The following GRID2 variants were observed in gnomAD, a reference collection of about 807,000 sequenced individuals.
The protein encoded by GRID2 is glutamate receptor ionotropic, delta-2.
In GRID2, 33 loss-of-function variants were observed where a neutral mutation model predicts 114.8. That is an observed-to-expected ratio of 0.29 (90% CI 0.22 to 0.38). GRID2 has a LOEUF of 0.38. Among genes scored for constraint, GRID2 ranks in the 10% least tolerant of loss-of-function variants. The pLI is 1.00. For missense variants in GRID2, 1,184 were observed against 1,257.7 expected, an observed-to-expected ratio of 0.94 and a Z score of 0.89; for synonymous variants, 505 against 449.9, an observed-to-expected ratio of 1.12 and a Z score of -1.55.
chr4:93,222,192 C>T (rs948047107), intron 6 of GRID2, among the ~76,000 whole-genome samples: 1 of 151,942 alleles, frequency 6.6e-6, no homozygotes, highest in Non-Finnish European at 1.5e-5. Context: ...GAGTCCCCAT[C>T]CAGGAGGAAT....
intron 5 of GRID2, among the ~76,000 whole-genome samples, chr4:93,208,834 A>T (rs951771069): frequency 2.0e-5 from 3 of 151,952 alleles, no homozygotes; most frequent in Admixed American, 2.0e-4. Flanking sequence ...GCTTTTCAAT[A>T]AAGTTCTGGT....
rs933883006 is a variant in GRID2, at chr4:92,995,184, T to G, written c.245-89811T>G. Among the ~76,000 whole-genome samples the G allele has an allele frequency of 5.3e-5, 8 of 152,116 alleles. 1 individual carries two copies. The South Asian group carries it at 1.7e-3, about 31-fold the overall frequency. On this transcript the variant is annotated intron_variant, in intron 2 of 15. Transcript: ENST00000282020. ...TTCTTCCTTCTCAGTGTATACAAAT[T>G]TTATGCTTATCAGTAGAGGTGAGAT...
chr4:93,404,381 A>G (rs952329633), intron 9 of GRID2, among the ~76,000 whole-genome samples: 12 of 152,118 alleles, frequency 7.9e-5, no homozygotes, highest in African/African-American at 2.9e-4. Flanking sequence ...GGTGAATTGT[A>G]TATTATGTAA....
chr4:93,483,900 T>G (rs1726112385), intron 11 of GRID2, among the ~76,000 whole-genome samples: 1 of 151,880 alleles, frequency 6.6e-6, no homozygotes, highest in Admixed American at 6.6e-5. Flanking sequence ...ATCAGCCTAA[T>G]TTTTGCAATA....
At chr4:92,315,988 AAAAG>A (rs1380148874) in intron 1 of GRID2, among the ~76,000 whole-genome samples, 2 of 143,262 alleles carry the variant, frequency 1.4e-5, no homozygotes, top group Non-Finnish European at 3.0e-5. Flanking sequence ...AACAAAAACA[AAAAG>A]CAAAAAAAAA....
chr4:92,586,375 C>T (rs922050879), intron 1 of GRID2, among the ~76,000 whole-genome samples: 6 of 143,374 alleles, frequency 4.2e-5, no homozygotes, highest in African/African-American at 8.9e-5. Context: ...CACACACACA[C>T]ACACACACAC....
At chr4:92,558,324 A>G (rs2149179556) in intron 1 of GRID2, among the ~76,000 whole-genome samples, 1 of 152,236 alleles carries the variant, frequency 6.6e-6, no homozygotes, top group African/African-American at 2.4e-5. Context: ...TGAAAATGTC[A>G]TTCTCCTAAT....
chr4:93,232,319 A>C (rs1746245527), intron 7 of GRID2, among the ~76,000 whole-genome samples: 1 of 152,122 alleles, frequency 6.6e-6, no homozygotes, highest in South Asian at 2.1e-4. Context: ...AGTGAACTAA[A>C]ATGTAATAGA....
At chr4:93,332,293 T>A (rs371261239) in intron 8 of GRID2, among the ~76,000 whole-genome samples, 2,869 of 114,460 alleles carry the variant, frequency 0.025, 54 homozygotes, top group African/African-American at 0.074. Context: ...TGTGTGTGTG[T>A]GTGTGTGAGA....
chr4:92,941,528 T>C (rs1178919587), intron 2 of GRID2, among the ~76,000 whole-genome samples: 1 of 152,208 alleles, frequency 6.6e-6, no homozygotes, highest in African/African-American at 2.4e-5. Context: ...AGCTCCTGGA[T>C]TCATTGATTT....
At chr4:93,096,014 G>A (rs761252561) in intron 3 of GRID2, among the ~76,000 whole-genome samples, 82 of 151,884 alleles carry the variant, frequency 5.4e-4, no homozygotes, top group Non-Finnish European at 9.9e-4. Flanking sequence ...ATTGGCATAA[G>A]GATTGACAAA....
intron 4 of GRID2, among the ~76,000 whole-genome samples, chr4:93,133,961 A>C (rs1237937152): frequency 6.6e-6 from 1 of 152,200 alleles, no homozygotes; most frequent in Non-Finnish European, 1.5e-5. Flanking sequence ...ATAGCAACTG[A>C]AAAAGAAGAA....
At chr4:93,531,648 A>G (rs527551668) in intron 13 of GRID2, among the ~76,000 whole-genome samples, 1 of 152,268 alleles carries the variant, frequency 6.6e-6, no homozygotes, top group South Asian at 2.1e-4. Context: ...TAGATAAACA[A>G]AAACAAGTAT....
At chr4:93,534,469 T>A (rs1265755952) in intron 13 of GRID2, among the ~76,000 whole-genome samples, 1 of 152,108 alleles carries the variant, frequency 6.6e-6, no homozygotes. Flanking sequence ...TACCATTTTC[T>A]TAATTAACTG....
At chr4:93,392,932 G>T (rs1031127681) in intron 8 of GRID2, among the ~76,000 whole-genome samples, 3 of 152,000 alleles carry the variant, frequency 2.0e-5, no homozygotes, top group Middle Eastern at 6.8e-3. Flanking sequence ...AATGGTAAGG[G>T]CACCTTCTCA....
In GRID2 at chr4:93,118,152, C is replaced by T. The variant is rs146008033; in HGVS notation, c.735+7199C>T. ...GTCTGTAGTCTACGGCTTCTGCCAC[C>T]CTGCTTCACCAGATATCATTGCTAC... On this transcript the variant is annotated intron_variant, in intron 4 of 15. Coordinates refer to ENST00000282020, the MANE Select transcript of GRID2 (RefSeq NM_001510.4). 7.7e-4 allele frequency among the ~76,000 whole-genome samples: 117 copies of T among 152,242 alleles called. 3 individuals are homozygous for T. In the East Asian group the frequency reaches 0.021, roughly 28 times the overall value.
intron 10 of GRID2, among the ~76,000 whole-genome samples, chr4:93,454,444 A>T (rs900879537): frequency 6.6e-6 from 1 of 152,084 alleles, no homozygotes. Flanking sequence ...TAGTTTCTCC[A>T]CTTACGAAAT....
At chr4:92,874,254 A>G (rs188436441) in intron 2 of GRID2, among the ~76,000 whole-genome samples, 42 of 152,250 alleles carry the variant, frequency 2.8e-4, no homozygotes, top group African/African-American at 9.1e-4. Context: ...TGTAACTTCA[A>G]ATGTTGTAGC....
chr4:93,279,574 CTATTA>C (rs1359695281), intron 8 of GRID2, among the ~76,000 whole-genome samples: 7 of 151,698 alleles, frequency 4.6e-5, no homozygotes, highest in Non-Finnish European at 8.8e-5. Flanking sequence ...AATACATAAT[CTATTA>C]TGAGTCGAGA....
Sources: gnomAD v4.1 joint callset for allele counts (sites outside exome capture counted in the v4.1 genomes callset) on GRCh38, gnomAD v4.1.1 for gene constraint, MANE v1.5 for transcripts, NCBI Gene and HGNC (gene_info 2026-07-23, HGNC 2026-07-21) for gene names.